Variants in MBNL1 observed in about 807,000 individuals in gnomAD.
The protein encoded by MBNL1 is muscleblind-like protein 1.
Under a neutral mutation model 42.2 loss-of-function variants are expected in MBNL1, and 8 were observed. The ratio of observed to expected loss-of-function variants is 0.19; its 90% CI spans 0.11 to 0.34. MBNL1 has a LOEUF of 0.34. Ranked by LOEUF, MBNL1 falls within the 10% of genes least tolerant of loss-of-function variation. The pLI is 1.00. For missense variants in MBNL1, 309 were observed against 495.3 expected (o/e 0.62, Z 3.57); for synonymous variants, 169 against 173.9 (o/e 0.97, Z 0.22).
At chr3:152,393,815 G>A (rs2097817770) in intron 2 of MBNL1, among the ~76,000 whole-genome samples, 1 of 152,082 alleles carries the variant, frequency 6.6e-6, no homozygotes, top group South Asian at 2.1e-4. Flanking sequence ...GCTATAGTTG[G>A]CACAGTGAAT....
At chr3:152,399,514 A>G (rs1553902922) in intron 2 of MBNL1, among the ~76,000 whole-genome samples, 2 of 151,050 alleles carry the variant, frequency 1.3e-5, no homozygotes. Flanking sequence ...TTATTTAATT[A>G]ATTATTTTTT....
At chr3:152,326,817 A>ATTTATTTAT (rs1324081596) in intron 2 of MBNL1, among the ~76,000 whole-genome samples, 5 of 151,152 alleles carry the variant, frequency 3.3e-5, no homozygotes, top group African/African-American at 1.2e-4. Flanking sequence ...TTATTTATTT[A>ATTTATTTAT]TTGAGACAGA....
intron 3 of MBNL1, among the ~76,000 whole-genome samples, chr3:152,430,743 G>C (rs1292085623): frequency 6.6e-6 from 1 of 152,198 alleles, no homozygotes. Flanking sequence ...TTGGTGGACA[G>C]AGAATGCCCT....
chr3:152,286,195 C>T (rs961790187), intron 1 of MBNL1, among the ~76,000 whole-genome samples: 2 of 150,322 alleles, frequency 1.3e-5, no homozygotes, highest in African/African-American at 2.4e-5. Context: ...ATGAAGAAAA[C>T]GATTTGACTA....
At chr3:152,274,238 C>T (rs1160771333) in intron 1 of MBNL1, among the ~76,000 whole-genome samples, 1 of 151,990 alleles carries the variant, frequency 6.6e-6, no homozygotes, top group African/African-American at 2.4e-5. Context: ...ACATTTAGTT[C>T]TATGAAATAA....
intron 2 of MBNL1, among the ~76,000 whole-genome samples, chr3:152,375,335 C>G (rs949835634): frequency 1.3e-5 from 2 of 152,218 alleles, no homozygotes; most frequent in Non-Finnish European, 2.9e-5. Context: ...CATAAATGCA[C>G]TGCAATCTGT....
chr3:152,373,850 T>A (rs1421588629), intron 2 of MBNL1, among the ~76,000 whole-genome samples: 1 of 152,248 alleles, frequency 6.6e-6, no homozygotes, highest in Non-Finnish European at 1.5e-5. Context: ...TGTTTACATA[T>A]TTTAAAATTA....
chr3:152,338,183 T>G, intron 2 of MBNL1: 1 of 985,458 alleles, frequency 1.0e-6, no homozygotes, highest in Non-Finnish European at 1.2e-6. Flanking sequence ...GAATGGCCTA[T>G]CTCCATGTAT....
At chr3:152,381,411 A>G (rs981064996) in intron 2 of MBNL1, among the ~76,000 whole-genome samples, 10 of 152,170 alleles carry the variant, frequency 6.6e-5, no homozygotes, top group African/African-American at 1.7e-4. Flanking sequence ...AACGCTGTCC[A>G]TAAGTGCACA....
intron 2 of MBNL1, among the ~76,000 whole-genome samples, chr3:152,352,279 AATT>A (rs2152999186): frequency 6.6e-6 from 1 of 152,296 alleles, no homozygotes; most frequent in East Asian, 1.9e-4. Flanking sequence ...ATGTTTTAAA[AATT>A]ATTACTATCA....
chr3:152,455,405 C>G, intron 6 of MBNL1, 137 bp from the exon 7 acceptor site: 1 of 703,386 alleles, frequency 1.4e-6, no homozygotes, highest in Non-Finnish European at 2.6e-6. Context: ...ATTGTGCTGA[C>G]AGTTACATGC....
rs538706914 is a variant in MBNL1 at position 152,462,737 on chromosome 3, C to G, written c.*371C>G. 4.6e-5 allele frequency: 7 copies of G among 152,220 alleles called. No individual in the cohort carries two copies. Among genetic ancestry groups the G allele is most frequent in the African/African-American group, 1.4e-4 (6 of 41,554 alleles). The allele number at this position is 152,220 out of a possible 1,614,324, so 9.4% of individuals were successfully genotyped here. A position where few individuals can be genotyped will look rare whatever the true frequency, so the allele number is the denominator to read the frequency against. The stretch of plus-strand genomic sequence containing the variant: ...GACAGACTATGGTGTAACCATGATT[C>G]TATTATGTATTGGTACGTCTGTAGA... On this transcript the variant is annotated 3_prime_UTR_variant, in exon 10 of 10. Transcript: ENST00000324210.
At chr3:152,396,112 C>A in intron 2 of MBNL1, 1 of 288,666 alleles carries the variant, frequency 3.5e-6, no homozygotes. Context: ...AGGTTGGAGA[C>A]GCTTTATGAG....
At chr3:152,439,460 G>C (rs1309085477) in intron 4 of MBNL1, among the ~76,000 whole-genome samples, 4 of 152,154 alleles carry the variant, frequency 2.6e-5, no homozygotes, top group Non-Finnish European at 5.9e-5. Flanking sequence ...CATTTTTGTA[G>C]AGGATGTTTG....
intron 1 of MBNL1, among the ~76,000 whole-genome samples, chr3:152,270,488 C>G (rs1204526827): frequency 6.6e-6 from 1 of 151,662 alleles, no homozygotes; most frequent in Non-Finnish European, 1.5e-5. Context: ...CCACAGTTAT[C>G]TCTCTGTGTG....
intron 3 of MBNL1, among the ~76,000 whole-genome samples, chr3:152,430,719 G>A (rs753557123): frequency 6.6e-6 from 1 of 152,166 alleles, no homozygotes; most frequent in Non-Finnish European, 1.5e-5. Flanking sequence ...AGTCAGCTGC[G>A]GCTCAGGGAA....
At chr3:152,342,654 A>C (rs1369897171) in intron 2 of MBNL1, among the ~76,000 whole-genome samples, 2 of 151,802 alleles carry the variant, frequency 1.3e-5, no homozygotes, top group African/African-American at 4.8e-5. Context: ...ACTACCTCTC[A>C]ACTCTAACCA....
intron 2 of MBNL1, among the ~76,000 whole-genome samples, chr3:152,397,724 CATATT>C (rs57074237): frequency 6.6e-6 from 1 of 152,236 alleles, no homozygotes; most frequent in African/African-American, 2.4e-5. Flanking sequence ...TATTGACTAA[CATATT>C]ATAAATATTT....
At chr3:152,260,428 T>C (rs1470562547) in intron 2 of MBNL1, among the ~76,000 whole-genome samples, 1 of 152,248 alleles carries the variant, frequency 6.6e-6, no homozygotes, top group Non-Finnish European at 1.5e-5. Flanking sequence ...AAGTGAGGTA[T>C]GTTCTGCTAA....
Sources: gnomAD v4.1 joint callset for allele counts (sites outside exome capture counted in the v4.1 genomes callset) on GRCh38, gnomAD v4.1.1 for gene constraint, MANE v1.5 for transcripts, NCBI Gene and HGNC (gene_info 2026-07-23, HGNC 2026-07-21) for gene names.